SYT17: variants seen among roughly 807,000 people sequenced by gnomAD.
The protein encoded by SYT17 is synaptotagmin 17.
Under a neutral mutation model 46.7 loss-of-function variants are expected in SYT17, and 22 were observed. The ratio of observed to expected loss-of-function variants is 0.47; its 90% CI spans 0.34 to 0.67. The LOEUF is 0.67. Among genes scored for constraint, SYT17 ranks in the 30% least tolerant of loss-of-function variants. The pLI is 0.01. For synonymous variants in SYT17, 251 were observed against 248.4 expected (o/e 1.01, Z -0.10); for missense variants, 519 against 612.8 (o/e 0.85, Z 1.62).
At chr16:19,249,863 C>T (rs1470057547) in intron 7 of SYT17, 22 of 1,459,926 alleles carry the variant, frequency 1.5e-5, no homozygotes, top group Non-Finnish European at 1.9e-5. Flanking sequence ...CTGGGGGCTC[C>T]ATACTTTCAT....
chr16:19,199,405 T>C (rs1024528952), intron 5 of SYT17, among the ~76,000 whole-genome samples: 1 of 152,148 alleles, frequency 6.6e-6, no homozygotes, highest in African/African-American at 2.4e-5. Context: ...AATATTCTTA[T>C]TACCTGAAGT....
Position 19,211,285 on chromosome 16 carries a change from A to G in SYT17, c.952-11760A>G. On this transcript the variant is annotated intron_variant, in intron 5 of 7. Coordinates refer to ENST00000355377, the MANE Select transcript of SYT17 (RefSeq NM_016524.4). Reference sequence around the variant, plus strand: ...TTGGCTTCGATTCTGTGGGGGTTGGATAGGACAGGGGGTGGAACATCGTGC... The same window carrying G: ...TTGGCTTCGATTCTGTGGGGGTTGGGTAGGACAGGGGGTGGAACATCGTGC... 6.8e-6 allele frequency: 4 copies of G among 586,552 alleles called. 1 individual carries two copies. Among genetic ancestry groups the G allele is most frequent in the South Asian group, 6.6e-5 (3 of 45,244 alleles). The allele number at this position is 586,552 out of a possible 1,614,324, so 36.3% of individuals were successfully genotyped here.
At chr16:19,199,823 AT>A (rs2142729055) in intron 5 of SYT17, among the ~76,000 whole-genome samples, 1 of 152,364 alleles carries the variant, frequency 6.6e-6, no homozygotes, top group African/African-American at 2.4e-5. Flanking sequence ...ACGTCTTTAC[AT>A]TTCAAGCAGC....
intron 5 of SYT17, among the ~76,000 whole-genome samples, chr16:19,200,403 ATAT>A (rs1965415613): frequency 6.6e-6 from 1 of 152,268 alleles, no homozygotes; most frequent in Non-Finnish European, 1.5e-5. Flanking sequence ...TCAAAGTAAA[ATAT>A]TATTGATGTG....
chr16:19,257,396 C>CAAA (rs5816041), intron 7 of SYT17, among the ~76,000 whole-genome samples: 1,887 of 128,078 alleles, frequency 0.015, 43 homozygotes, highest in African/African-American at 0.05. Context: ...CCTTGTTTTG[C>CAAA]AAAAAAAAAA....
intron 5 of SYT17, among the ~76,000 whole-genome samples, chr16:19,197,053 C>T (rs532753947): frequency 8.5e-5 from 13 of 152,326 alleles, no homozygotes; most frequent in East Asian, 1.9e-4. Context: ...CCTTACCAGA[C>T]GAGGCTCTTG....
At chr16:19,203,538 GT>G (rs1391023586) in intron 5 of SYT17, among the ~76,000 whole-genome samples, 1 of 152,194 alleles carries the variant, frequency 6.6e-6, no homozygotes, top group African/African-American at 2.4e-5. Flanking sequence ...GTGGTTATTT[GT>G]TTATTTAGTC....
chr16:19,260,535 A>G (rs1425417009), intron 7 of SYT17, among the ~76,000 whole-genome samples: 7 of 125,078 alleles, frequency 5.6e-5, no homozygotes, highest in Non-Finnish European at 3.8e-5. Flanking sequence ...AAAAGGAAAG[A>G]AAAAAAAAAG....
intron 5 of SYT17, among the ~76,000 whole-genome samples, chr16:19,193,180 G>A (rs1965096548): frequency 6.6e-6 from 1 of 152,162 alleles, no homozygotes; most frequent in Admixed American, 6.5e-5. Context: ...TTCAGTGGCC[G>A]GTGTGCAGGG....
intron 5 of SYT17, among the ~76,000 whole-genome samples, chr16:19,203,987 C>T (rs888616293): frequency 1.3e-5 from 2 of 152,134 alleles, no homozygotes; most frequent in African/African-American, 2.4e-5. Flanking sequence ...TGGATCTTAG[C>T]GCTTATCCTG....
In SYT17 at chr16:19,265,276, G is replaced by A. The variant is rs184386741; in HGVS notation, c.1229-1604G>A. On this transcript the variant is annotated intron_variant, in intron 7 of 7. Coordinates refer to ENST00000355377, the MANE Select transcript of SYT17 (RefSeq NM_016524.4). ...ATTTCTCTTTGTAAGTAATTTGCAT[G>A]TAAATGAGGTCCACCTATGCATACT... Among the ~76,000 whole-genome samples, 166 of 152,304 alleles carry A rather than the reference G, an allele frequency of 1.1e-3. 1 individual carries two copies. Among genetic ancestry groups the A allele is most frequent in the African/African-American group, 3.5e-3 (147 of 41,562 alleles).
intron 5 of SYT17, among the ~76,000 whole-genome samples, chr16:19,209,751 G>A (rs1370523832): frequency 3.3e-5 from 5 of 151,978 alleles, no homozygotes; most frequent in Admixed American, 1.3e-4. Context: ...GGTGGTGGGC[G>A]CCTGTAGTCC....
chr16:19,201,976 G>C (rs569033773), intron 5 of SYT17, among the ~76,000 whole-genome samples: 1 of 152,298 alleles, frequency 6.6e-6, no homozygotes, highest in African/African-American at 2.4e-5. Flanking sequence ...AGGATCTGGA[G>C]TTAGTTTCTT....
At chr16:19,237,736 A>G (rs1966868121) in intron 7 of SYT17, among the ~76,000 whole-genome samples, 1 of 152,110 alleles carries the variant, frequency 6.6e-6, no homozygotes, top group African/African-American at 2.4e-5. Flanking sequence ...CTACCCTACC[A>G]CCAGCTCACC....
intron 7 of SYT17, among the ~76,000 whole-genome samples, chr16:19,236,032 G>A (rs1011714466): frequency 6.6e-6 from 1 of 152,190 alleles, no homozygotes; most frequent in Non-Finnish European, 1.5e-5. Flanking sequence ...ACAGTGGGGA[G>A]CATTGGCATG....
intron 4 of SYT17, among the ~76,000 whole-genome samples, chr16:19,181,999 C>CAAA (rs371941934): frequency 6.1e-5 from 5 of 81,888 alleles, no homozygotes; most frequent in Admixed American, 1.3e-4. Context: ...AACTCTGTCT[C>CAAA]AAAAAAAAAA....
chr16:19,185,218 G>T (rs1161672573), intron 5 of SYT17, among the ~76,000 whole-genome samples: 2 of 151,858 alleles, frequency 1.3e-5, no homozygotes, highest in Non-Finnish European at 2.9e-5. Flanking sequence ...TGTCCTGTGG[G>T]ATGGCTGTTG....
intron 7 of SYT17, among the ~76,000 whole-genome samples, chr16:19,249,593 T>A (rs187292503): frequency 9.2e-5 from 14 of 152,234 alleles, no homozygotes; most frequent in African/African-American, 3.1e-4. Context: ...TGGTTGTGGG[T>A]TTAATTTGCA....
intron 5 of SYT17, among the ~76,000 whole-genome samples, chr16:19,188,521 A>AAAAAAAAAAAAAAAAAAAAAAAAAAAAAC (rs1964878064): frequency 6.6e-6 from 1 of 150,642 alleles, no homozygotes. Context: ...TGCAAAAAAA[A>AAAAAAAAAAAAAAAAAAAAAAAAAAAAAC]AAAAAAAAAA....
Sources: allele counts gnomAD v4.1 joint callset (sites outside exome capture counted in the v4.1 genomes callset), GRCh38; gene constraint gnomAD v4.1.1; transcripts MANE v1.5; gene names NCBI Gene and HGNC (gene_info 2026-07-23, HGNC 2026-07-21).